Variants in INSRR observed in about 807,000 individuals in gnomAD.
The protein encoded by INSRR is insulin receptor related receptor.
A neutral mutation model predicts 130.0 loss-of-function variants in INSRR; 114 were observed. The ratio of observed to expected loss-of-function variants is 0.88; its 90% CI spans 0.75 to 1.02. The LOEUF (loss-of-function observed/expected upper bound fraction) is 1.02, where lower values mean the gene tolerates loss of function less well. Among genes scored for constraint, INSRR ranks in the 50% least tolerant of loss-of-function variants. The probability of loss-of-function intolerance (pLI) is 0.00; values close to 1 mark genes in which losing one functional copy is unlikely to be tolerated. For missense variants in INSRR, 1,657 were observed against 1,735.2 expected (o/e 0.95, Z 0.80); for synonymous variants, 674 against 705.2 (o/e 0.96, Z 0.70).
At chr1:156,855,123 TA>T (rs1241450509) in intron 1 of INSRR, among the ~76,000 whole-genome samples, 1 of 152,168 alleles carries the variant, frequency 6.6e-6, no homozygotes, top group East Asian at 1.9e-4. Flanking sequence ...CCCACCTCCT[TA>T]AGTCTGGCCA....
intron 2 of INSRR, among the ~76,000 whole-genome samples, chr1:156,853,165 A>G (rs967807592): frequency 2.6e-5 from 4 of 151,790 alleles, no homozygotes; most frequent in African/African-American, 7.3e-5. Context: ...TTCATTGATC[A>G]TCTCCTTTCT....
rs1654788262 is a variant in INSRR at position 156,841,630 on chromosome 1, C to T, written c.3527+35G>A. Reference sequence around the variant, plus strand: ...GGCCCCTCCCCAGATCCCGCCTCCACATCCCTGGAGCCCTGTGCTCCAGCT... The same window carrying T: ...GGCCCCTCCCCAGATCCCGCCTCCATATCCCTGGAGCCCTGTGCTCCAGCT... On this transcript the variant is annotated intron_variant, in intron 20 of 21. Coordinates refer to ENST00000368195, the MANE Select transcript of INSRR (RefSeq NM_014215.3). 4 of 1,610,510 alleles carry T rather than the reference C, an allele frequency of 2.5e-6. No individual in the cohort carries two copies. In the East Asian group the frequency reaches 8.9e-5, roughly 36 times the overall value.
chr1:156,857,877 C>T (rs906531954), intron 1 of INSRR, among the ~76,000 whole-genome samples: 2 of 152,194 alleles, frequency 1.3e-5, no homozygotes, highest in Non-Finnish European at 2.9e-5. Context: ...TTCCACCAAT[C>T]CCCCAGCACC....
At chr1:156,844,887 C>T (rs1654934910) in intron 12 of INSRR, 44 bp from the exon 13 acceptor site, 1 of 1,610,740 alleles carries the variant, frequency 6.2e-7, no homozygotes, top group Non-Finnish European at 8.5e-7. Context: ...AGTGGTTCAT[C>T]TCACCTTATG....
In INSRR at chr1:156,846,620, T is replaced by C; in HGVS notation, c.1709A>G (p.Gln570Arg). The change falls in exon 8 of 22, where the codon CAG becomes CGG. Residue 570 changes from glutamine (Q) to arginine (R), a missense_variant. Coordinates refer to ENST00000368195, the MANE Select transcript of INSRR (RefSeq NM_014215.3). The part of the protein sequence containing the change: ...VTLASLKPWT[Q>R]YAVFVRAITL... Reference sequence around the variant, plus strand: ...GATGGCCCGCACAAACACTGCGTACTGTGTCCAAGGCTTGAGGGAGGCTAG... The same window carrying C: ...GATGGCCCGCACAAACACTGCGTACCGTGTCCAAGGCTTGAGGGAGGCTAG... 1 of 1,614,184 alleles carries C rather than the reference T, an allele frequency of 6.2e-7. No individual in the cohort carries two copies. Among genetic ancestry groups the C allele is most frequent in the South Asian group, 1.1e-5 (1 of 91,086 alleles).
intron 1 of INSRR, among the ~76,000 whole-genome samples, chr1:156,855,497 G>A (rs957221455): frequency 1.3e-5 from 2 of 151,148 alleles, no homozygotes; most frequent in Non-Finnish European, 2.9e-5. Flanking sequence ...GAACCACCAC[G>A]CCCGGCCTGA....
At position 156,851,921 on chromosome 1, in the gene INSRR, T is replaced by G. The variant is rs760703268; in HGVS notation, c.908A>C (p.Gln303Pro). The G allele has an allele frequency of 2.3e-5, 37 of 1,596,328 alleles. 1 individual carries two copies. The highest frequency in any genetic ancestry group is 3.1e-5 in the Non-Finnish European group (36 of 1,167,358). ...FGIHQGSCLA[Q>P]CPSGFTRNSS... The stretch of plus-strand genomic sequence containing the variant: ...ATTACGGGTGAAGCCAGAAGGGCAC[T>G]GGGCCAGGCAACTGCCCTGGTGTAT... The change falls in exon 3 of 22, where the codon CAG becomes CCG. Residue 303 changes from glutamine to proline, a missense_variant. Coordinates refer to ENST00000368195, the MANE Select transcript of INSRR (RefSeq NM_014215.3).
At chr1:156,852,707 G>T (rs1051138138) in intron 2 of INSRR, among the ~76,000 whole-genome samples, 1 of 152,238 alleles carries the variant, frequency 6.6e-6, no homozygotes, top group Admixed American at 6.5e-5. Context: ...TTTGGAGCTG[G>T]AGGCCCAATC....
chr1:156,846,202 T>C (rs1050940169), intron 8 of INSRR, 83 bp from the exon 9 acceptor site: 13 of 1,378,148 alleles, frequency 9.4e-6, no homozygotes, highest in African/African-American at 1.4e-5. Flanking sequence ...CTTTCTGGGG[T>C]CCAACAGCCT....
In INSRR at chr1:156,845,734, AGTCGGACTCCATCTCGGCCTCAGGATCCC is replaced by A; in HGVS notation, c.2030_2058del (p.Gly677ValfsTer28). 2 of 1,613,720 alleles carry A rather than the reference AGTCGGACTCCATCTCGGCCTCAGGATCCC, an allele frequency of 1.2e-6. No homozygotes were observed. The highest frequency in any genetic ancestry group is 1.7e-6 in the Non-Finnish European group (2 of 1,179,916). On this transcript the variant is annotated frameshift_variant, in exon 10 of 22. Transcript: ENST00000368195. LOFTEE classifies it high-confidence loss of function. ...GGAGGTGGGTGCTGGCAAGGGCAGC[AGTCGGACTCCATCTCGGCCTCAGGATCCC>A]CGTCTTCGCCGTCGAAGCGCGGATC...
At chr1:156,849,170 GA>G (rs1191145165) in intron 6 of INSRR, 75 bp downstream of exon 6, 1 of 1,600,752 alleles carries the variant, frequency 6.2e-7, no homozygotes, top group Non-Finnish European at 8.5e-7. Context: ...TGTCCCCCTC[GA>G]GCTTTCTCCC....
chr1:156,846,716 CAAG>C lies in INSRR; in HGVS notation c.1610_1612del (p.Ala537_Cys538delinsGly), dbSNP rs1360978249. ...CAGCAGGTTCCAGCTCTGGGTTCCA[CAAG>C]CATCTGGACCCACGTGCTCTGTGGC... On this transcript the variant is annotated inframe_deletion, in exon 8 of 22. Transcript: ENST00000368195. 1.7e-5 allele frequency: 27 copies of C among 1,614,012 alleles called. No individual in the cohort carries two copies. The highest frequency in any genetic ancestry group is 2.1e-5 in the Non-Finnish European group (25 of 1,180,044).
At position 156,841,019 on chromosome 1, in the gene INSRR, G is replaced by A. The variant is rs772255621; in HGVS notation, c.3748C>T (p.Leu1250=). 1 of 1,607,816 alleles carries A rather than the reference G, an allele frequency of 6.2e-7. No individual in the cohort carries two copies. ...THILDSIQEE[L]RPSFRLLSFY... is the part of the protein sequence containing the mutation. ...GAGAGGAGGCGGAAGGAGGGCCGCAGCTCCTCCTGTATGCTGTCCAGAATG... is the reference window on the plus strand; with the variant it reads ...GAGAGGAGGCGGAAGGAGGGCCGCAACTCCTCCTGTATGCTGTCCAGAATG... Residue 1250 remains leucine, a synonymous_variant, in exon 22 of 22, where the codon CTG becomes TTG. Coordinates refer to ENST00000368195, the MANE Select transcript of INSRR (RefSeq NM_014215.3).
In INSRR at chr1:156,848,987, C is replaced by A. The variant is rs200179263; in HGVS notation, c.1505G>T (p.Arg502Leu). 1 of 1,611,594 alleles carries A rather than the reference C, an allele frequency of 6.2e-7. No individual in the cohort carries two copies. The highest frequency in any genetic ancestry group is 8.5e-7 in the Non-Finnish European group (1 of 1,179,260). The change falls in exon 7 of 22, where the codon CGC becomes CTC. Residue 502 changes from arginine (R) to leucine (L), a missense_variant. By Grantham distance (102) the Arg-to-Leu change is moderately radical (BLOSUM62 -2). Transcript: ENST00000368195. ...NVTEADRILL[R>L]WERYEPLEAR... is the part of the protein sequence containing the mutation. ...CTCCAGTGGCTCATAGCGCTCCCAG[C>A]GTAGCAGGATGCGGTCTGCCTCCGT...
chr1:156,844,720 C>T lies in INSRR; in HGVS notation c.2561G>A (p.Arg854His), dbSNP rs756718400. ...GLILKYEIKY[R>H]RLGEEATVLC... ...ACGGGCACCTACCTCTCCCAAGCGGCGGTACTTGATTTCGTACTTGAGGAT... is the reference window on the plus strand; with the variant it reads ...ACGGGCACCTACCTCTCCCAAGCGGTGGTACTTGATTTCGTACTTGAGGAT... The change falls in exon 13 of 22, where the codon CGC becomes CAC. Residue 854 changes from arginine (R) to histidine (H), a missense_variant. Arg to His is a conservative substitution (Grantham distance 29). Transcript: ENST00000368195. 3.2e-5 allele frequency: 52 copies of T among 1,613,984 alleles called. No individual in the cohort carries two copies. The Admixed American group carries it at 8.5e-4, about 26-fold the overall frequency.
chr1:156,841,305 T>A (rs1654769996), intron 21 of INSRR, 89 bp downstream of exon 21: 1 of 1,270,972 alleles, frequency 7.9e-7, no homozygotes, highest in African/African-American at 1.6e-5. Flanking sequence ...TGTCAAAGCA[T>A]CAGAGGAGGT....
chr1:156,848,983 C>T lies in INSRR; in HGVS notation c.1509G>A (p.Trp503Ter). The change falls in exon 7 of 22, where the codon TGG becomes TGA. Residue 503 changes from tryptophan (W) to a stop codon, truncating the protein, a stop_gained. Coordinates refer to ENST00000368195, the MANE Select transcript of INSRR (RefSeq NM_014215.3). LOFTEE classifies it high-confidence loss of function. ...GGGCCTCCAGTGGCTCATAGCGCTC[C>T]CAGCGTAGCAGGATGCGGTCTGCCT... Reference protein sequence around the residue: ...VTEADRILLRWERYEPLEARD... With the variant: ...VTEADRILLR 6.2e-7 allele frequency: 1 copy of T among 1,610,908 alleles called. No homozygotes were observed. Among genetic ancestry groups the T allele is most frequent in the Admixed American group, 1.7e-5 (1 of 59,652 alleles).
At chr1:156,849,163 C>A (rs900509666) in intron 6 of INSRR, 83 bp downstream of exon 6, 3 of 1,599,708 alleles carry the variant, frequency 1.9e-6, no homozygotes, top group African/African-American at 2.7e-5. Flanking sequence ...CTCAGAGTGT[C>A]CCCCTCGAGC....
intron 5 of INSRR, 52 bp downstream of exon 5, chr1:156,851,238 T>C: frequency 6.2e-7 from 1 of 1,604,824 alleles, no homozygotes; most frequent in South Asian, 1.1e-5. Flanking sequence ...GTTCTGGGAG[T>C]GTTGGAGGAA....
Sources: allele counts gnomAD v4.1 joint callset (sites outside exome capture counted in the v4.1 genomes callset), GRCh38; gene constraint gnomAD v4.1.1; transcripts MANE v1.5; gene names NCBI Gene and HGNC (gene_info 2026-07-23, HGNC 2026-07-21).